ADAM23: variants seen among roughly 807,000 people sequenced by gnomAD.
ADAM23 encodes disintegrin and metalloproteinase domain-containing protein 23.
ADAM23 carries 33 observed loss-of-function variants against 120.1 expected under a neutral mutation model. The ratio of observed to expected loss-of-function variants is 0.27; its 90% CI spans 0.21 to 0.37. The LOEUF is 0.37. Ranked by LOEUF, ADAM23 falls within the 10% of genes least tolerant of loss-of-function variation. The probability of loss-of-function intolerance (pLI) is 1.00; values close to 1 mark genes in which losing one functional copy is unlikely to be tolerated. For missense variants in ADAM23, 862 were observed against 1,058.2 expected (o/e 0.81, Z 2.57); for synonymous variants, 367 against 375.2 (o/e 0.98, Z 0.25).
intron 9 of ADAM23, 71 bp from the exon 10 acceptor site, chr2:206,557,353 TCTG>T: frequency 8.4e-7 from 1 of 1,187,386 alleles, no homozygotes; most frequent in Non-Finnish European, 1.3e-6. Context: ...CTGAGATATT[TCTG>T]CTTTTACAGC....
chr2:206,601,298 T>C (rs1306161488), intron 24 of ADAM23, among the ~76,000 whole-genome samples: 3 of 152,134 alleles, frequency 2.0e-5, no homozygotes, highest in Non-Finnish European at 2.9e-5. Flanking sequence ...ACCACACTCA[T>C]CAAATCAGAA....
At position 206,547,510 on chromosome 2, in the gene ADAM23, TA is replaced by T; in HGVS notation, c.793+11del. 6.3e-7 allele frequency: 1 copy of T among 1,597,558 alleles called. No homozygotes were observed. Among genetic ancestry groups the T allele is most frequent in the African/African-American group, 1.3e-5 (1 of 74,488 alleles). On this transcript the variant is annotated intron_variant, in intron 7 of 25. Transcript: ENST00000264377. The stretch of plus-strand genomic sequence containing the variant: ...GCAAATGAAGAATCTCAGTAAGTTT[TA>T]ACTAAAAATAGCGATTATATTTTAT...
At chr2:206,554,448 C>T (rs1036117482) in intron 9 of ADAM23, among the ~76,000 whole-genome samples, 13 of 152,176 alleles carry the variant, frequency 8.5e-5, no homozygotes, top group Middle Eastern at 3.4e-3. Context: ...GTTTTGCGTA[C>T]GTGTTTTGCT....
chr2:206,542,044 C>A lies in ADAM23; in HGVS notation c.574-8C>A. ...AAATACAACCAATCAATGAAACCTG[C>A]TTTCCAGGGTGGAGAGCACTGTTAC... On this transcript the variant is annotated splice_polypyrimidine_tract_variant and splice_region_variant and intron_variant, in intron 4 of 25. Transcript: ENST00000264377. 6.2e-7 allele frequency: 1 copy of A among 1,614,016 alleles called. No homozygotes were observed. The highest frequency in any genetic ancestry group is 2.2e-5 in the East Asian group (1 of 44,876).
Position 206,530,874 on chromosome 2 carries a change from T to C in ADAM23, c.510-11T>C, listed in dbSNP as rs764445667. The C allele has an allele frequency of 1.2e-5, 20 of 1,612,242 alleles. No individual in the cohort carries two copies. In the Admixed American group the frequency reaches 1.3e-4, roughly 11 times the overall value. On this transcript the variant is annotated splice_polypyrimidine_tract_variant and intron_variant, in intron 3 of 25. Transcript: ENST00000264377. Reference sequence around the variant, plus strand: ...AGATGCAGAAATCACTCTATTTTCTTTCCTTTGTAGTGGTTTGTTGTCTTC... The same window carrying C: ...AGATGCAGAAATCACTCTATTTTCTCTCCTTTGTAGTGGTTTGTTGTCTTC...
chr2:206,516,233 T>TA (rs1192850018), intron 3 of ADAM23, among the ~76,000 whole-genome samples: 229 of 123,256 alleles, frequency 1.9e-3, no homozygotes, highest in African/African-American at 2.4e-3. Flanking sequence ...GCATTTTTAT[T>TA]AAAAAAAAAA....
chr2:206,522,668 A>G (rs534962474), intron 3 of ADAM23, among the ~76,000 whole-genome samples: 2 of 152,318 alleles, frequency 1.3e-5, no homozygotes, highest in African/African-American at 4.8e-5. Context: ...GTATCAGAAA[A>G]GAAGCTGGAT....
intron 2 of ADAM23, among the ~76,000 whole-genome samples, chr2:206,474,025 C>CAA (rs543494446): frequency 8.4e-4 from 108 of 128,262 alleles, no homozygotes; most frequent in African/African-American, 2.9e-3. Context: ...AAAAAAAAAA[C>CAA]AAAAAAAAAA....
intron 9 of ADAM23, among the ~76,000 whole-genome samples, chr2:206,557,214 G>A (rs942829168): frequency 6.6e-6 from 1 of 152,094 alleles, no homozygotes; most frequent in African/African-American, 2.4e-5. Flanking sequence ...ACAGTTGTGA[G>A]CCATGCTGCC....
chr2:206,587,922 TTTAACTC>T (rs916306772), intron 19 of ADAM23, among the ~76,000 whole-genome samples, 162 bp from the exon 20 acceptor site: 1 of 152,234 alleles, frequency 6.6e-6, no homozygotes, highest in Admixed American at 6.5e-5. Context: ...GTTTTAAAGT[TTTAACTC>T]TTATTCTTGA....
chr2:206,614,498 T>C (rs528184838), intron 25 of ADAM23, among the ~76,000 whole-genome samples: 14 of 151,804 alleles, frequency 9.2e-5, no homozygotes, highest in South Asian at 2.1e-4. Flanking sequence ...CTACTAAAAA[T>C]ACAAAAATTA....
Position 206,504,376 on chromosome 2 carries a change from C to T in ADAM23, c.509+23068C>T, listed in dbSNP as rs192289994. 7.4e-4 allele frequency among the ~76,000 whole-genome samples: 113 copies of T among 152,106 alleles called. 1 individual carries two copies. Among genetic ancestry groups the T allele is most frequent in the African/African-American group, 2.2e-3 (93 of 41,522 alleles). On this transcript the variant is annotated intron_variant, in intron 3 of 25. Transcript: ENST00000264377. ...CAGCCCAGCTCTTAACTAATTTGTT[C>T]CTTTTTAATGTGTTAGAGCCAGAAT...
At chr2:206,608,563 C>CATA in intron 24 of ADAM23, among the ~76,000 whole-genome samples, 1 of 151,602 alleles carries the variant, frequency 6.6e-6, no homozygotes, top group South Asian at 2.1e-4. Flanking sequence ...TTATGGCTCT[C>CATA]ATTATTATTA....
At chr2:206,474,403 T>C (rs1695731527) in intron 2 of ADAM23, among the ~76,000 whole-genome samples, 1 of 152,130 alleles carries the variant, frequency 6.6e-6, no homozygotes, top group Non-Finnish European at 1.5e-5. Flanking sequence ...TAAATGCACA[T>C]TGGAATTTGC....
Position 206,577,340 on chromosome 2 carries a change from C to A in ADAM23, c.1737+4145C>A, listed in dbSNP as rs1237283666. Reference sequence around the variant, plus strand: ...GGTTAGTTACATATGTATACATGTGCCATGCTGGTGCGCTGCACCCACTAA... The same window carrying A: ...GGTTAGTTACATATGTATACATGTGACATGCTGGTGCGCTGCACCCACTAA... On this transcript the variant is annotated intron_variant, in intron 18 of 25. Coordinates refer to ENST00000264377, the MANE Select transcript of ADAM23 (RefSeq NM_003812.4). 4.8e-5 allele frequency among the ~76,000 whole-genome samples: 7 copies of A among 146,580 alleles called. No homozygotes were observed. In the South Asian group the frequency reaches 1.1e-3, roughly 23 times the overall value.
chr2:206,576,927 CAT>C (rs1698127724), intron 18 of ADAM23, among the ~76,000 whole-genome samples: 1 of 152,070 alleles, frequency 6.6e-6, no homozygotes, highest in Non-Finnish European at 1.5e-5. Flanking sequence ...GGTAGTATAA[CAT>C]AATTTAAAAT....
At chr2:206,517,102 T>G (rs1158160141) in intron 3 of ADAM23, among the ~76,000 whole-genome samples, 1 of 152,166 alleles carries the variant, frequency 6.6e-6, no homozygotes, top group Non-Finnish European at 1.5e-5. Flanking sequence ...CGTATGCACT[T>G]TCTTTGTAAA....
At position 206,588,151 on chromosome 2, in the gene ADAM23, A is replaced by G. The variant is rs768444820; in HGVS notation, c.1849A>G (p.Thr617Ala). Reference protein sequence around the residue: ...RDNQCQYIWGTKAAGSDKFCY... With the variant: ...RDNQCQYIWGAKAAGSDKFCY... ...CAACCAGTGTCAGTACATCTGGGGA[A>G]CAAGTAGGTCGCACCTCCTTGCTTG... Residue 617 changes from threonine to alanine, a missense_variant, in exon 20 of 26, where the codon ACA (threonine) becomes GCA (alanine). Transcript: ENST00000264377. 2.5e-6 allele frequency: 4 copies of G among 1,613,918 alleles called. No homozygotes were observed. Among genetic ancestry groups the G allele is most frequent in the Non-Finnish European group, 1.7e-6 (2 of 1,179,954 alleles).
In ADAM23 at chr2:206,620,631, C is replaced by G. The variant is rs752422429; in HGVS notation, c.*3004C>G. ...GATGATCAAGTTCCCATTTCACCTG[C>G]TCTACTTTTGCTGCATTAATTAATG... On this transcript the variant is annotated 3_prime_UTR_variant, in exon 26 of 26. Transcript: ENST00000264377. 3 of 152,112 alleles carry G rather than the reference C, an allele frequency of 2.0e-5. No individual in the cohort carries two copies. 9.4% of individuals were successfully genotyped at this position (152,112 alleles called of 1,614,324 possible).
Sources: allele counts gnomAD v4.1 joint callset (sites outside exome capture counted in the v4.1 genomes callset), GRCh38; gene constraint gnomAD v4.1.1; transcripts MANE v1.5; gene names NCBI Gene and HGNC (gene_info 2026-07-23, HGNC 2026-07-21).